DNAH6: variants seen among roughly 807,000 people sequenced by gnomAD.
The protein encoded by DNAH6 is axonemal beta dynein heavy chain 6.
A neutral mutation model predicts 491.4 loss-of-function variants in DNAH6; 340 were observed. The ratio of observed to expected loss-of-function variants is 0.69; its 90% CI spans 0.63 to 0.76. The LOEUF (loss-of-function observed/expected upper bound fraction) is 0.76. Among genes scored for constraint, DNAH6 ranks in the 30% least tolerant of loss-of-function variants. DNAH6 has a pLI of 0.00. For missense variants in DNAH6, 4,443 were observed against 4,972.2 expected, an observed-to-expected ratio of 0.89 and a Z score of 3.20; for synonymous variants, 1,603 against 1,686.1, an observed-to-expected ratio of 0.95 and a Z score of 1.21.
intron 63 of DNAH6, chr2:84,751,326 C>T (rs1388373795): frequency 6.6e-6 from 1 of 152,216 alleles, no homozygotes; most frequent in Non-Finnish European, 1.5e-5. Flanking sequence ...GTTTCCAGGT[C>T]TGTTCACAAG....
At chr2:84,735,653 G>C (rs1285731739) in intron 62 of DNAH6, among the ~76,000 whole-genome samples, 3 of 151,980 alleles carry the variant, frequency 2.0e-5, no homozygotes, top group Non-Finnish European at 4.4e-5. Flanking sequence ...GTCATGTTGA[G>C]CATTTTTTCA....
At position 84,745,225 on chromosome 2, in the gene DNAH6, T is replaced by C. The variant is rs1672853120; in HGVS notation, c.10488T>C (p.Leu3496=). 1 of 1,514,998 alleles carries C rather than the reference T, an allele frequency of 6.6e-7. No individual in the cohort carries two copies. The highest frequency in any genetic ancestry group is 1.4e-5 in the African/African-American group (1 of 71,166). 93.8% of individuals were successfully genotyped at this position (1,514,998 alleles called of 1,614,324 possible). A position where few individuals can be genotyped will look rare whatever the true frequency, so the allele number is the denominator to read the frequency against. ...TGAGTTCTTTCCATAAGCTAATTCT[T>C]ATTAAATGTTGTAAAGAAGAAAAGG... ...AGLSSFHKLI[L]IKCCKEEKVV... Residue 3496 remains leucine (L), a synonymous_variant, in exon 63 of 77, where the codon CTT becomes CTC. Coordinates refer to ENST00000389394, the MANE Select transcript of DNAH6 (RefSeq NM_001370.2).
intron 33 of DNAH6, among the ~76,000 whole-genome samples, chr2:84,648,701 G>C (rs1220758010): frequency 2.6e-5 from 4 of 152,200 alleles, no homozygotes; most frequent in African/African-American, 9.6e-5. Context: ...TAGATGAGGA[G>C]TTGCTTCTTA....
At chr2:84,553,539 T>G (rs918028126) in intron 10 of DNAH6, among the ~76,000 whole-genome samples, 2 of 151,218 alleles carry the variant, frequency 1.3e-5, no homozygotes, top group Non-Finnish European at 2.9e-5. Context: ...CTTAGCTCAC[T>G]GCAGCCTCAA....
intron 12 of DNAH6, among the ~76,000 whole-genome samples, chr2:84,575,250 C>T (rs1484917321): frequency 1.3e-5 from 2 of 152,152 alleles, no homozygotes; most frequent in African/African-American, 4.8e-5. Flanking sequence ...AAATGTCTAA[C>T]TGAACTTTTA....
At chr2:84,733,663 G>A in intron 62 of DNAH6, 84 bp downstream of exon 62, 11 of 1,263,854 alleles carry the variant, frequency 8.7e-6, no homozygotes, top group Non-Finnish European at 9.6e-6. Flanking sequence ...AACCTCTTCT[G>A]TAATGTCAGC....
the DNAH6 span, among the ~76,000 whole-genome samples, chr2:84,489,834 CAG>C: frequency 6.6e-6 from 1 of 152,184 alleles, no homozygotes; most frequent in South Asian, 2.1e-4. Context: ...ACCTCATCCC[CAG>C]AGTTTCTGAT....
chr2:84,728,017 G>A (rs542322427), intron 61 of DNAH6, 115 bp downstream of exon 61: 2 of 680,882 alleles, frequency 2.9e-6, no homozygotes, highest in East Asian at 2.7e-5. Context: ...GACCTGGTGG[G>A]AGATTACTGA....
At chr2:84,496,749 T>G in the DNAH6 span, among the ~76,000 whole-genome samples, 25 of 152,232 alleles carry the variant, frequency 1.6e-4, no homozygotes, top group African/African-American at 6.0e-4. Context: ...TTCTAAGAAA[T>G]TCAGTACAGT....
the DNAH6 span, among the ~76,000 whole-genome samples, chr2:84,482,389 G>A: frequency 3.2e-4 from 49 of 152,322 alleles, no homozygotes; most frequent in Non-Finnish European, 6.3e-4. Flanking sequence ...ATGCTTCCAG[G>A]TGAAATAGAT....
At chr2:84,589,885 C>G (rs533639014) in intron 16 of DNAH6, among the ~76,000 whole-genome samples, 1 of 151,638 alleles carries the variant, frequency 6.6e-6, no homozygotes, top group African/African-American at 2.4e-5. Flanking sequence ...CCAGGGAGCC[C>G]CTAGCAATAA....
intron 55 of DNAH6, 146 bp downstream of exon 55, chr2:84,709,692 T>A: frequency 1.1e-6 from 1 of 894,138 alleles, no homozygotes; most frequent in East Asian, 2.7e-5. Context: ...AGTGTTAAAG[T>A]CCTATAGTCC....
the DNAH6 span, among the ~76,000 whole-genome samples, chr2:84,460,871 G>A: frequency 6.6e-6 from 1 of 152,238 alleles, no homozygotes; most frequent in East Asian, 1.9e-4. Context: ...CAAAGGCTGA[G>A]ATGTAACAGA....
chr2:84,789,282 A>G (rs1313993122), intron 68 of DNAH6, among the ~76,000 whole-genome samples: 1 of 152,226 alleles, frequency 6.6e-6, no homozygotes, highest in African/African-American at 2.4e-5. Flanking sequence ...AGCCAACACC[A>G]TAGACATCTC....
intron 10 of DNAH6, among the ~76,000 whole-genome samples, chr2:84,554,207 C>T (rs923607335): frequency 2.6e-5 from 4 of 152,206 alleles, no homozygotes; most frequent in Admixed American, 2.6e-4. Context: ...GATTCAGTCA[C>T]ATCTATCAAG....
At chr2:84,697,513 T>G in intron 46 of DNAH6, 62 bp from the exon 47 acceptor site, 1 of 1,416,502 alleles carries the variant, frequency 7.1e-7, no homozygotes, top group East Asian at 2.5e-5. Flanking sequence ...GAATAAATAT[T>G]TGCTTTATAA....
chr2:84,651,273 A>G (rs537529009), intron 33 of DNAH6, among the ~76,000 whole-genome samples: 11 of 152,126 alleles, frequency 7.2e-5, no homozygotes, highest in Non-Finnish European at 1.2e-4. Context: ...CAGGCTTCCC[A>G]TATGGTCTAC....
chr2:84,787,834 T>C (rs1677353767), intron 68 of DNAH6, among the ~76,000 whole-genome samples: 1 of 152,192 alleles, frequency 6.6e-6, no homozygotes, highest in South Asian at 2.1e-4. Flanking sequence ...AAATTTTTGG[T>C]AAATATTAAC....
chr2:84,487,826 A>G, the DNAH6 span, among the ~76,000 whole-genome samples: 1 of 152,178 alleles, frequency 6.6e-6, no homozygotes, highest in Non-Finnish European at 1.5e-5. Flanking sequence ...AAAACCTGTT[A>G]CTGAATTGCT....
Sources: allele counts gnomAD v4.1 joint callset (sites outside exome capture counted in the v4.1 genomes callset), GRCh38; gene constraint gnomAD v4.1.1; transcripts MANE v1.5; gene names NCBI Gene and HGNC (gene_info 2026-07-23, HGNC 2026-07-21).